The following BABAM2 variants were observed in gnomAD, a reference collection of about 807,000 sequenced individuals.
BABAM2 encodes BRISC and BRCA1 A complex member 2, also known as BRISC and BRCA1-A complex member 2.
A neutral mutation model predicts 54.7 loss-of-function variants in BABAM2; 31 were observed. That is an observed-to-expected ratio of 0.57 (90% CI 0.43 to 0.77). The LOEUF is 0.77. BABAM2 is among the 30% of genes least tolerant of loss of function. The pLI is 0.00. For synonymous variants in BABAM2, 167 were observed against 162.9 expected, an observed-to-expected ratio of 1.03 and a Z score of -0.19; for missense variants, 364 against 455.8, an observed-to-expected ratio of 0.80 and a Z score of 1.83.
intron 11 of BABAM2, among the ~76,000 whole-genome samples, chr2:28,306,994 C>CGTTTTTTTTTTTTTTTTTTTT (rs1558517386): frequency 1.4e-5 from 1 of 73,100 alleles, no homozygotes; most frequent in Non-Finnish European, 2.7e-5. Flanking sequence ...CCACACCTGG[C>CGTTTTTTTTTTTTTTTTTTTT]CTTTTTTTTT....
intron 10 of BABAM2, among the ~76,000 whole-genome samples, chr2:28,255,768 T>G (rs1683917214): frequency 6.6e-6 from 1 of 152,078 alleles, no homozygotes; most frequent in South Asian, 2.1e-4. Context: ...CAGGCCCAAG[T>G]AATCCTCCCA....
chr2:28,233,742 C>T (rs963522094), intron 7 of BABAM2, among the ~76,000 whole-genome samples: 6 of 152,196 alleles, frequency 3.9e-5, no homozygotes, highest in Non-Finnish European at 7.3e-5. Flanking sequence ...TGTTGAGGCT[C>T]ACCCCAGACA....
intron 7 of BABAM2, among the ~76,000 whole-genome samples, chr2:28,161,625 A>G (rs1673104010): frequency 6.6e-6 from 1 of 152,152 alleles, no homozygotes; most frequent in Non-Finnish European, 1.5e-5. Context: ...CCTGTCCAGC[A>G]TCTTACCCTG....
intron 7 of BABAM2, among the ~76,000 whole-genome samples, chr2:28,175,175 T>A (rs1674785140): frequency 1.3e-5 from 2 of 152,080 alleles, no homozygotes. Context: ...GAACCGAAGC[T>A]TATGCTCCCC....
chr2:28,065,095 G>A (rs962193137), intron 6 of BABAM2, among the ~76,000 whole-genome samples: 2 of 151,536 alleles, frequency 1.3e-5, no homozygotes, highest in African/African-American at 4.9e-5. Flanking sequence ...TTCTTTATTA[G>A]ACAATCATAA....
intron 5 of BABAM2, among the ~76,000 whole-genome samples, chr2:28,027,098 C>G (rs887100021): frequency 6.7e-6 from 1 of 148,406 alleles, no homozygotes; most frequent in African/African-American, 2.5e-5. Flanking sequence ...GTCTGTTCAT[C>G]TCCTACCTTC....
chr2:28,007,402 A>G (rs992347745), intron 4 of BABAM2, among the ~76,000 whole-genome samples: 1 of 152,120 alleles, frequency 6.6e-6, no homozygotes, highest in Non-Finnish European at 1.5e-5. Flanking sequence ...GAAGCTGCAA[A>G]TGGAAGAAAT....
intron 10 of BABAM2, among the ~76,000 whole-genome samples, chr2:28,276,223 T>A (rs1264343769): frequency 6.6e-6 from 1 of 152,108 alleles, no homozygotes; most frequent in Admixed American, 6.5e-5. Flanking sequence ...TCATTATAGT[T>A]TACAGAGCTC....
chr2:28,219,294 C>T (rs949798747), intron 7 of BABAM2, among the ~76,000 whole-genome samples: 1 of 152,200 alleles, frequency 6.6e-6, no homozygotes, highest in African/African-American at 2.4e-5. Context: ...TGGCTCATAG[C>T]CCCCTTCCTC....
At chr2:27,942,835 C>T (rs372981988) in intron 3 of BABAM2, among the ~76,000 whole-genome samples, 3 of 83,984 alleles carry the variant, frequency 3.6e-5, no homozygotes, top group African/African-American at 1.5e-4. Context: ...TTTATTAAGA[C>T]AGGGTCTTGC....
At chr2:28,312,751 G>C (rs1021635456) in intron 11 of BABAM2, among the ~76,000 whole-genome samples, 1 of 152,010 alleles carries the variant, frequency 6.6e-6, no homozygotes, top group Non-Finnish European at 1.5e-5. Flanking sequence ...AACATGGAAG[G>C]AACTTTAGAG....
At chr2:28,137,881 A>G (rs921993456) in intron 7 of BABAM2, among the ~76,000 whole-genome samples, 23 of 152,182 alleles carry the variant, frequency 1.5e-4, no homozygotes, top group African/African-American at 5.3e-4. Flanking sequence ...CTTAAATGCT[A>G]TACTCCTCTC....
intron 10 of BABAM2, among the ~76,000 whole-genome samples, chr2:28,275,300 A>G (rs1685783582): frequency 6.6e-6 from 1 of 152,252 alleles, no homozygotes; most frequent in South Asian, 2.1e-4. Flanking sequence ...CTGGCCAAAC[A>G]TGAATGAGAA....
intron 10 of BABAM2, among the ~76,000 whole-genome samples, chr2:28,265,106 T>C (rs1684863533): frequency 6.6e-6 from 1 of 152,148 alleles, no homozygotes. Context: ...TGTTTTGCCC[T>C]ATAAAGTGTG....
chr2:28,034,240 G>T (rs1045095709), intron 5 of BABAM2, among the ~76,000 whole-genome samples: 2 of 152,284 alleles, frequency 1.3e-5, no homozygotes, highest in Admixed American at 1.3e-4. Flanking sequence ...GATCTAGGGG[G>T]CAGGAGCTTT....
At chr2:28,055,350 C>T (rs188340570) in intron 6 of BABAM2, among the ~76,000 whole-genome samples, 177 of 152,224 alleles carry the variant, frequency 1.2e-3, no homozygotes, top group Non-Finnish European at 1.9e-3. Flanking sequence ...AATCTGTATA[C>T]CAAACCCTGT....
intron 11 of BABAM2, chr2:28,309,306 A>G (rs1009553318): frequency 6.6e-5 from 10 of 152,082 alleles, no homozygotes; most frequent in East Asian, 1.9e-4. Flanking sequence ...TCCCTCTTAT[A>G]TTTTGAATCT....
chr2:28,108,130 C>T (rs889734344), intron 6 of BABAM2, among the ~76,000 whole-genome samples: 2 of 151,796 alleles, frequency 1.3e-5, no homozygotes, highest in Admixed American at 1.3e-4. Context: ...GTTTGTGAAG[C>T]CTGCTTTGTA....
At chr2:27,909,396 G>A (rs147891577) in intron 2 of BABAM2, among the ~76,000 whole-genome samples, 20 of 152,080 alleles carry the variant, frequency 1.3e-4, no homozygotes, top group African/African-American at 4.6e-4. Context: ...CAAGTCTTTT[G>A]CCCATTAAAA....
Sources: gnomAD v4.1 joint callset for allele counts (sites outside exome capture counted in the v4.1 genomes callset) on GRCh38, gnomAD v4.1.1 for gene constraint, MANE v1.5 for transcripts, NCBI Gene and HGNC (gene_info 2026-07-23, HGNC 2026-07-21) for gene names.